LRRC56: variants seen among roughly 807,000 people sequenced by gnomAD.
The protein encoded by LRRC56 is leucine rich repeat containing 56.
LRRC56 carries 41 observed loss-of-function variants against 47.8 expected under a neutral mutation model. The observed-to-expected ratio is 0.86, with a 90% CI of 0.67 to 1.11. LRRC56 has a LOEUF of 1.11. Ranked by LOEUF, LRRC56 falls within the 50% of genes most tolerant of loss-of-function variation. The pLI, the probability that LRRC56 is intolerant of heterozygous loss-of-function variation, is 0.00. For missense variants in LRRC56, 759 were observed against 704.2 expected (o/e 1.08, Z -0.88); for synonymous variants, 387 against 311.2 (o/e 1.24, Z -2.56).
upstream of LRRC56, chr11:534,095 G>C (rs1324102835): frequency 8.5e-7 from 1 of 1,170,026 alleles, no homozygotes; most frequent in Non-Finnish European, 1.3e-6. Context: ...AGAGGAAGCA[G>C]GAGACAGGGC....
upstream of LRRC56, chr11:532,725 G>T: frequency 6.2e-7 from 1 of 1,613,064 alleles, no homozygotes; most frequent in Non-Finnish European, 8.5e-7. Context: ...CGGATCTCAC[G>T]CACCAACGTG....
At position 538,657 on chromosome 11, in the gene LRRC56, G is replaced by T. The variant is rs1445145954; in HGVS notation, c.-362G>T. The T allele has an allele frequency of 6.6e-6, 1 of 152,292 alleles. No homozygotes were observed. The highest frequency in any genetic ancestry group is 2.4e-5 in the African/African-American group (1 of 41,466). 9.4% of individuals were successfully genotyped at this position (152,292 alleles called of 1,614,324 possible). A position where few individuals can be genotyped will look rare whatever the true frequency, so the allele number is the denominator to read the frequency against. On this transcript the variant is annotated 5_prime_UTR_variant, in exon 2 of 14. Coordinates refer to ENST00000270115, the MANE Select transcript of LRRC56 (RefSeq NM_198075.4). The stretch of plus-strand genomic sequence containing the variant: ...ACGGGATGGAGAGGATGCATCTTCA[G>T]TGTCCACACGTGGTCAACAGATAAA...
chr11:522,479 G>T, the LRRC56 span, among the ~76,000 whole-genome samples: 3 of 152,188 alleles, frequency 2.0e-5, no homozygotes, highest in Non-Finnish European at 2.9e-5. Flanking sequence ...TGTTAGCCAG[G>T]ATACTCTCGA....
chr11:518,815 G>T, the LRRC56 span, among the ~76,000 whole-genome samples: 2 of 152,072 alleles, frequency 1.3e-5, no homozygotes, highest in Non-Finnish European at 2.9e-5. Flanking sequence ...GGATGTGGCC[G>T]GCGGCGCGCG....
the LRRC56 span, among the ~76,000 whole-genome samples, chr11:520,299 C>G: frequency 9.1e-3 from 614 of 67,224 alleles, 119 homozygotes; most frequent in Middle Eastern, 0.059. Context: ...TAGAACGCGG[C>G]CTGATACACA....
chr11:545,964 T>C (rs942497775), intron 6 of LRRC56, among the ~76,000 whole-genome samples: 2 of 152,214 alleles, frequency 1.3e-5, no homozygotes, highest in Admixed American at 1.3e-4. Flanking sequence ...TTTGTACTTC[T>C]GTTTATCAAA....
intron 6 of LRRC56, among the ~76,000 whole-genome samples, chr11:548,927 G>T (rs556156114): frequency 3.3e-5 from 5 of 152,350 alleles, no homozygotes; most frequent in Admixed American, 3.3e-4. Flanking sequence ...GTGAGTCAGA[G>T]ATCAAGGGGT....
upstream of LRRC56, chr11:534,172 G>T: frequency 1.3e-6 from 2 of 1,499,644 alleles, no homozygotes; most frequent in Non-Finnish European, 9.3e-7. Flanking sequence ...GGGCTCGCCC[G>T]CAGCAGCTGC....
At position 541,696 on chromosome 11, in the gene LRRC56, G is replaced by A. The variant is rs1342276445; in HGVS notation, c.265+72G>A. ...CCCTGTAAACAACACACGTTTCCTG[G>A]TTATGACGACAAAGCTGTCCTCACC... On this transcript the variant is annotated intron_variant, in intron 5 of 13. Transcript: ENST00000270115. The surrounding 1 kb of genome is among the most constrained non-coding windows in gnomAD (Gnocchi z 4.1). 3 of 991,644 alleles carry A rather than the reference G, an allele frequency of 3.0e-6. No homozygotes were observed. The highest frequency in any genetic ancestry group is 4.5e-6 in the Non-Finnish European group (3 of 673,056). The allele number at this position is 991,644 out of a possible 1,614,324, so 61.4% of individuals were successfully genotyped here.
At chr11:551,533 G>T in intron 9 of LRRC56, 118 bp from the exon 10 acceptor site, 1 of 1,117,886 alleles carries the variant, frequency 8.9e-7, no homozygotes, top group Non-Finnish European at 1.3e-6. Context: ...AGGCTGCAGC[G>T]TGAGAGGCCA....
chr11:509,109 C>G, the LRRC56 span, among the ~76,000 whole-genome samples: 1 of 152,130 alleles, frequency 6.6e-6, no homozygotes, highest in Admixed American at 6.5e-5. Context: ...CACACACCCC[C>G]AAGAAAGCTC....
chr11:507,482 GGCGGGC>G, the LRRC56 span, among the ~76,000 whole-genome samples: 4 of 151,904 alleles, frequency 2.6e-5, no homozygotes, highest in Non-Finnish European at 4.4e-5. Flanking sequence ...GGCGGGGTCT[GGCGGGC>G]GCGGGCGCGT....
At chr11:512,721 C>T in the LRRC56 span, among the ~76,000 whole-genome samples, 1 of 152,206 alleles carries the variant, frequency 6.6e-6, no homozygotes, top group Non-Finnish European at 1.5e-5. Context: ...TATCTGACTT[C>T]CTTTTCTCAA....
the LRRC56 span, among the ~76,000 whole-genome samples, chr11:526,935 T>TA: frequency 6.8e-6 from 1 of 147,726 alleles, no homozygotes; most frequent in Non-Finnish European, 1.5e-5. Flanking sequence ...AGACACCGTC[T>TA]AAAAAAAGAA....
chr11:519,202 G>A, the LRRC56 span, among the ~76,000 whole-genome samples: 2 of 152,252 alleles, frequency 1.3e-5, no homozygotes, highest in Non-Finnish European at 1.5e-5. Context: ...TGAGCCGCGC[G>A]CATTCCTTAG....
chr11:548,886 G>A (rs1011912949), intron 6 of LRRC56, among the ~76,000 whole-genome samples: 25 of 152,228 alleles, frequency 1.6e-4, no homozygotes, highest in African/African-American at 5.8e-4. Flanking sequence ...CCAGCCTAAT[G>A]GCTGCATAAG....
At chr11:506,968 C>G in the LRRC56 span, 3 of 152,212 alleles carry the variant, frequency 2.0e-5, no homozygotes, top group Non-Finnish European at 2.9e-5. Context: ...CCTGCCCCGC[C>G]CGACCCCGCC....
upstream of LRRC56, chr11:534,411 C>T: frequency 2.0e-6 from 1 of 501,600 alleles, no homozygotes; most frequent in Non-Finnish European, 3.1e-6. Context: ...AGGCCCAGGC[C>T]CAGCCCCAGG....
the LRRC56 span, among the ~76,000 whole-genome samples, chr11:525,070 T>A: frequency 6.9e-6 from 1 of 144,016 alleles, no homozygotes. Flanking sequence ...CACTCCAGCC[T>A]GGAGACAAAG....
Sources: gnomAD v4.1 joint callset for allele counts (sites outside exome capture counted in the v4.1 genomes callset) on GRCh38, gnomAD v4.1.1 for gene constraint, Gnocchi (gnomAD v3.1) non-coding constraint, MANE v1.5 for transcripts, NCBI Gene and HGNC (gene_info 2026-07-23, HGNC 2026-07-21) for gene names.